Variants in CHD3 observed in about 807,000 individuals in gnomAD.
CHD3 encodes chromodomain helicase DNA binding protein 3.
A neutral mutation model predicts 248.9 loss-of-function variants in CHD3; 52 were observed. The observed-to-expected ratio is 0.21, with a 90% confidence interval of 0.17 to 0.26. CHD3 has a LOEUF of 0.26. Ranked by LOEUF, CHD3 falls within the 10% of genes least tolerant of loss-of-function variation. The probability of loss-of-function intolerance (pLI) is 1.00; values close to 1 mark genes in which losing one functional copy is unlikely to be tolerated. For synonymous variants in CHD3, 985 were observed against 985.2 expected (o/e 1.00, Z 0.00); for missense variants, 1,482 against 2,605.8 (o/e 0.57, Z 9.39).
In CHD3 at chr17:7,889,527, G is replaced by A; in HGVS notation, c.101-137G>A. 1 of 693,356 alleles carries A rather than the reference G, an allele frequency of 1.4e-6. No individual in the cohort carries two copies. The highest frequency in any genetic ancestry group is 2.5e-6 in the Non-Finnish European group (1 of 406,798). 43.0% of individuals were successfully genotyped at this position (693,356 alleles called of 1,614,324 possible). A position where few individuals can be genotyped will look rare whatever the true frequency, so the allele number is the denominator to read the frequency against. ...TCGAAACACTTTCTGTTTGCATCCA[G>A]TGAAGGGAGGCAGGGCTTGGAGGAG... On this transcript the variant is annotated intron_variant, in intron 1 of 39. Transcript: ENST00000330494. The surrounding 1 kb of genome is among the most constrained non-coding windows in gnomAD (Gnocchi z 4.5).
At chr17:7,902,787 C>T in intron 21 of CHD3, 60 bp downstream of exon 21, 1 of 1,590,828 alleles carries the variant, frequency 6.3e-7, no homozygotes, top group Non-Finnish European at 8.6e-7. Context: ...TGTGATAGGT[C>T]CCTGGGATGG....
rs748722809 is a variant in CHD3, at chr17:7,897,175, T to C, written c.1800T>C (p.Asp600=). 15 of 1,614,070 alleles carry C rather than the reference T, an allele frequency of 9.3e-6. No individual in the cohort carries two copies. The East Asian group carries it at 3.1e-4, about 34-fold the overall frequency. The change falls in exon 11 of 40, where the codon GAT becomes GAC. Residue 600 remains aspartate, a synonymous_variant. Transcript: ENST00000330494. The surrounding 1 kb of genome is among the most constrained non-coding windows in gnomAD (Gnocchi z 4.8). ...PPPLDYGSGE[D]DGKSDKRKVK... is the part of the protein sequence containing the mutation. ...CCCTGGACTATGGCTCCGGCGAGGA[T>C]GATGGGAAGAGCGACAAGCGTAAAG...
Position 7,893,864 on chromosome 17 carries a change from C to A in CHD3, c.853C>A (p.Arg285=). The change falls in exon 6 of 40, where the codon CGG becomes AGG. Residue 285 remains arginine, a synonymous_variant. Transcript: ENST00000330494. ...PRVPDGRKKL[R]GKKMAPLKIK... The stretch of plus-strand genomic sequence containing the variant: ...AGTGCCTGATGGACGCAAGAAGCTT[C>A]GGGGAAAGAAAATGGCACCACTCAA... The A allele has an allele frequency of 6.2e-7, 1 of 1,612,762 alleles. No homozygotes were observed. The highest frequency in any genetic ancestry group is 8.5e-7 in the Non-Finnish European group (1 of 1,179,408).
Position 7,910,302 on chromosome 17 carries a change from C to A in CHD3, c.5591-126C>A. 8.6e-7 allele frequency: 1 copy of A among 1,156,226 alleles called. No individual in the cohort carries two copies. Among genetic ancestry groups the A allele is most frequent in the Non-Finnish European group, 1.3e-6 (1 of 770,772 alleles). 71.6% of individuals were successfully genotyped at this position (1,156,226 alleles called of 1,614,324 possible). A position where few individuals can be genotyped will look rare whatever the true frequency, so the allele number is the denominator to read the frequency against. On this transcript the variant is annotated intron_variant, in intron 37 of 39. Coordinates refer to ENST00000330494, the MANE Select transcript of CHD3 (RefSeq NM_001005273.3). This position sits in a 1 kb window ranked among gnomAD's most constrained non-coding sequence, Gnocchi z 4.7. Reference sequence around the variant, plus strand: ...TTCTTGATCTCTGGTTCTTTGACATCTGTGTTCTCCTCTCTCGCTCTTTTT... The same window carrying A: ...TTCTTGATCTCTGGTTCTTTGACATATGTGTTCTCCTCTCTCGCTCTTTTT...
chr17:7,909,016 G>T lies in CHD3; in HGVS notation c.5395-127G>T. 2.1e-6 allele frequency: 3 copies of T among 1,428,798 alleles called. No individual in the cohort carries two copies. In the South Asian group the frequency reaches 4.0e-5, roughly 19 times the overall value. 88.5% of individuals were successfully genotyped at this position (1,428,798 alleles called of 1,614,324 possible). A position where few individuals can be genotyped will look rare whatever the true frequency, so the allele number is the denominator to read the frequency against. On this transcript the variant is annotated intron_variant, in intron 36 of 39. Coordinates refer to ENST00000330494, the MANE Select transcript of CHD3 (RefSeq NM_001005273.3). The surrounding 1 kb of genome is among the most constrained non-coding windows in gnomAD (Gnocchi z 8.1). ...AGGGTTGCTGCTAGGTTCGCAGTCG[G>T]TTTGGAGCTGGGAGTGCCCTGGGCC...
chr17:7,891,466 C>G (rs1276102009), intron 4 of CHD3, among the ~76,000 whole-genome samples: 1 of 152,212 alleles, frequency 6.6e-6, no homozygotes, highest in South Asian at 2.1e-4. Flanking sequence ...AGGTCCTGTG[C>G]CCCTTCCTTA....
chr17:7,896,472 C>A (rs1292712189), intron 10 of CHD3, among the ~76,000 whole-genome samples: 1 of 147,566 alleles, frequency 6.8e-6, no homozygotes, highest in African/African-American at 2.5e-5. Flanking sequence ...GTGGCACGAT[C>A]TTGGCTTACT....
At chr17:7,887,549 C>G (rs1399316460), upstream of CHD3, among the ~76,000 whole-genome samples, 1 of 152,158 alleles carries the variant, frequency 6.6e-6, no homozygotes, top group Non-Finnish European at 1.5e-5. Flanking sequence ...AACCCACCCC[C>G]TGCCTGCAGT....
rs761818478 is a variant in CHD3, at chr17:7,908,036, C to T, written c.5152+17C>T. ...GCTTCACAGGTTGGGGAGACTCTCG[C>T]TGCTTTCTGCTCCTCAAGGGGATCT... On this transcript the variant is annotated intron_variant, in intron 34 of 39. Coordinates refer to ENST00000330494, the MANE Select transcript of CHD3 (RefSeq NM_001005273.3). This position sits in a 1 kb window ranked among gnomAD's most constrained non-coding sequence, Gnocchi z 5.8. 1 of 1,583,348 alleles carries T rather than the reference C, an allele frequency of 6.3e-7. No individual in the cohort carries two copies. The highest frequency in any genetic ancestry group is 1.1e-5 in the South Asian group (1 of 88,460).
In CHD3 at chr17:7,905,342, G is replaced by A. The variant is rs1970801750; in HGVS notation, c.4138+177G>A. 4.5e-6 allele frequency: 3 copies of A among 665,208 alleles called. No individual in the cohort carries two copies. The allele number at this position is 665,208 out of a possible 1,614,324, so 41.2% of individuals were successfully genotyped here. ...TCTCTCTGCTAGTAAACTTCGGTGT[G>A]TGTGACCACATAGGCTAGATCCAGA... On this transcript the variant is annotated intron_variant, in intron 26 of 39. Coordinates refer to ENST00000330494, the MANE Select transcript of CHD3 (RefSeq NM_001005273.3). This position sits in a 1 kb window ranked among gnomAD's most constrained non-coding sequence, Gnocchi z 5.8.
chr17:7,911,653 G>T lies in CHD3; in HGVS notation c.*68G>T, dbSNP rs571146266. 2.9e-5 allele frequency: 47 copies of T among 1,609,174 alleles called. No homozygotes were observed. The African/African-American group carries it at 4.5e-4, about 16-fold the overall frequency. On this transcript the variant is annotated 3_prime_UTR_variant, in exon 40 of 40. Coordinates refer to ENST00000330494, the MANE Select transcript of CHD3 (RefSeq NM_001005273.3). This position sits in a 1 kb window ranked among gnomAD's most constrained non-coding sequence, Gnocchi z 5.4. ...GCCGACCCCCAGCTCAAGCGCTGGG[G>T]CCTGCTGCCAGCCCTCCACCTTCCC...
At position 7,910,791 on chromosome 17, in the gene CHD3, T is replaced by G; in HGVS notation, c.5755-56T>G. On this transcript the variant is annotated intron_variant, in intron 38 of 39. Coordinates refer to ENST00000330494, the MANE Select transcript of CHD3 (RefSeq NM_001005273.3). The surrounding 1 kb of genome is among the most constrained non-coding windows in gnomAD (Gnocchi z 4.7). ...GGCTCATAATGTCTCTCCTACAGCT[T>G]CTTTCCTCTCACAGACTATGAACTA... 1.3e-6 allele frequency: 2 copies of G among 1,569,712 alleles called. No individual in the cohort carries two copies. Among genetic ancestry groups the G allele is most frequent in the Admixed American group, 2.0e-5 (1 of 48,918 alleles).
intron 20 of CHD3, 128 bp downstream of exon 20, chr17:7,901,503 AGTTT>A: frequency 2.9e-5 from 8 of 279,544 alleles, no homozygotes; most frequent in African/African-American, 2.9e-5. Context: ...CTCCTGTAAG[AGTTT>A]TTTTTTTTTT....
Position 7,905,839 on chromosome 17 carries a change from C to T in CHD3, c.4225-17C>T, listed in dbSNP as rs1488572440. 3 of 1,614,114 alleles carry T rather than the reference C, an allele frequency of 1.9e-6. No homozygotes were observed. The Admixed American group carries it at 5.0e-5, about 27-fold the overall frequency. On this transcript the variant is annotated splice_polypyrimidine_tract_variant and intron_variant, in intron 27 of 39. Coordinates refer to ENST00000330494, the MANE Select transcript of CHD3 (RefSeq NM_001005273.3). This position sits in a 1 kb window ranked among gnomAD's most constrained non-coding sequence, Gnocchi z 5.8. ...CCTAGACATTTGTCGCCATTGCCTC[C>T]TTGCTCCCACCCTCAGGTGCTGGGC...
Position 7,899,721 on chromosome 17 carries a change from C to T in CHD3, c.2545-175C>T, listed in dbSNP as rs1970086410. Among the ~76,000 whole-genome samples, 1 of 152,162 alleles carries T rather than the reference C, an allele frequency of 6.6e-6. No homozygotes were observed. Among genetic ancestry groups the T allele is most frequent in the Non-Finnish European group, 1.5e-5 (1 of 68,032 alleles). On this transcript the variant is annotated intron_variant, in intron 15 of 39. Coordinates refer to ENST00000330494, the MANE Select transcript of CHD3 (RefSeq NM_001005273.3). The surrounding 1 kb of genome is among the most constrained non-coding windows in gnomAD (Gnocchi z 6.8). ...GGTACTCCCAGGGGCATACATGGATCTGTCGGTACTGGAAATGTGGGCAGA... is the reference window on the plus strand; with the variant it reads ...GGTACTCCCAGGGGCATACATGGATTTGTCGGTACTGGAAATGTGGGCAGA...
rs1970137180 is a variant in CHD3 at position 7,900,147 on chromosome 17, G to C, written c.2682+114G>C. ...TTCTGTAGTCTGGGAGGACGTCCAG[G>C]TTGGAAGAGGGAGAGGGCCAGAGAT... is the stretch of plus-strand genomic sequence containing the variant. On this transcript the variant is annotated intron_variant, in intron 16 of 39. Coordinates refer to ENST00000330494, the MANE Select transcript of CHD3 (RefSeq NM_001005273.3). The surrounding 1 kb of genome is among the most constrained non-coding windows in gnomAD (Gnocchi z 6.5). 2 of 1,527,872 alleles carry C rather than the reference G, an allele frequency of 1.3e-6. No individual in the cohort carries two copies. The highest frequency in any genetic ancestry group is 1.4e-5 in the African/African-American group (1 of 72,582). The allele number at this position is 1,527,872 out of a possible 1,614,324, so 94.6% of individuals were successfully genotyped here.
chr17:7,889,698 G>C lies in CHD3; in HGVS notation c.135G>C (p.Leu45Phe). The change falls in exon 2 of 40, where the codon TTG becomes TTC. Residue 45 changes from leucine to phenylalanine, a missense_variant. Transcript: ENST00000330494. This position sits in a 1 kb window ranked among gnomAD's most constrained non-coding sequence, Gnocchi z 4.5. ...KDDIRLLPSA[L>F]GVKKRKRGPK... ...ACATTCGGCTGCTGCCGTCAGCATT[G>C]GGTGTGAAGAAGAGAAAACGAGGAC... 1 of 1,613,520 alleles carries C rather than the reference G, an allele frequency of 6.2e-7. No individual in the cohort carries two copies. The highest frequency in any genetic ancestry group is 8.5e-7 in the Non-Finnish European group (1 of 1,179,662).
At chr17:7,890,532 T>A in intron 2 of CHD3, 39 bp from the exon 3 acceptor site, 3 of 1,384,892 alleles carry the variant, frequency 2.2e-6, no homozygotes, top group Admixed American at 2.6e-5. Context: ...CTGGCAATGG[T>A]AGGGATGAAT....
rs1292241915 is a variant in CHD3, at chr17:7,907,610, C to T, written c.4934C>T (p.Ser1645Leu). The T allele has an allele frequency of 6.0e-6, 9 of 1,511,284 alleles. No homozygotes were observed. The highest frequency in any genetic ancestry group is 1.3e-5 in the South Asian group (1 of 75,468). 93.6% of individuals were successfully genotyped at this position (1,511,284 alleles called of 1,614,324 possible). The stretch of plus-strand genomic sequence containing the variant: ...CTACCCCCTCCCACAGCCACAGAGT[C>T]GACGCCAGGAGAAAGGGGGGAGGAG... ...RGDREKSATE[S>L]TPGERGEEKP... is the part of the protein sequence containing the mutation. Residue 1645 changes from serine to leucine, a missense_variant, in exon 33 of 40, where the codon TCG (serine) becomes TTG (leucine). Around this residue, in one of 20 missense-constraint regions of CHD3, gnomAD observed 254 missense variants for 266.7 expected, o/e 0.95. Coordinates refer to ENST00000330494, the MANE Select transcript of CHD3 (RefSeq NM_001005273.3). The surrounding 1 kb of genome is among the most constrained non-coding windows in gnomAD (Gnocchi z 4.3).
Sources: gnomAD v4.1 joint callset for allele counts (sites outside exome capture counted in the v4.1 genomes callset) on GRCh38, gnomAD v4.1.1 for gene constraint, gnomAD v4.1.1 regional missense constraint, Gnocchi (gnomAD v3.1) non-coding constraint, MANE v1.5 for transcripts, NCBI Gene and HGNC (gene_info 2026-07-23, HGNC 2026-07-21) for gene names.